The following SMPD3 variants were observed in gnomAD, a reference collection of about 807,000 sequenced individuals.
SMPD3 encodes the protein sphingomyelin phosphodiesterase 3.
Under a neutral mutation model 55.7 loss-of-function variants are expected in SMPD3, and 21 were observed. That is an observed-to-expected ratio of 0.38 (90% CI 0.27 to 0.54). The LOEUF is 0.54. Ranked by LOEUF, SMPD3 falls within the 20% of genes least tolerant of loss-of-function variation. The probability of loss-of-function intolerance (pLI) is 0.80; values close to 1 mark genes in which losing one functional copy is unlikely to be tolerated. For missense variants in SMPD3, 842 were observed against 899.6 expected, an observed-to-expected ratio of 0.94 and a Z score of 0.82; for synonymous variants, 457 against 404.3, an observed-to-expected ratio of 1.13 and a Z score of -1.56.
In SMPD3 at chr16:68,419,794, T is replaced by C. The variant is rs55958631; in HGVS notation, c.-269+28559A>G. On this transcript the variant is annotated intron_variant, in intron 1 of 8. Coordinates refer to ENST00000219334, the MANE Select transcript of SMPD3 (RefSeq NM_018667.4). ...ACTCCTAAAATGAGTATAATGACAC[T>C]AATGATAAAGGCAGCATCAGAGAGT... 1.1e-3 allele frequency among the ~76,000 whole-genome samples: 162 copies of C among 152,238 alleles called. 1 individual carries two copies. The highest frequency in any genetic ancestry group is 3.8e-3 in the African/African-American group (157 of 41,546).
chr16:68,390,399 CGCCTGTAATCCCA>C (rs1567797270), intron 1 of SMPD3, among the ~76,000 whole-genome samples: 2 of 152,162 alleles, frequency 1.3e-5, no homozygotes, highest in East Asian at 3.8e-4. Flanking sequence ...TGGTGGCTGA[CGCCTGTAATCCCA>C]GCACTTTGGA....
chr16:68,387,849 GCCCCGTCCATTCTCTGT>G (rs2090073459), intron 1 of SMPD3, among the ~76,000 whole-genome samples: 1 of 152,158 alleles, frequency 6.6e-6, no homozygotes, highest in Non-Finnish European at 1.5e-5. Flanking sequence ...GAAAGCCAAG[GCCCCGTCCATTCTCTGT>G]CCCCTAACTG....
chr16:68,446,442 C>A (rs1174856189), intron 1 of SMPD3, among the ~76,000 whole-genome samples: 1 of 151,666 alleles, frequency 6.6e-6, no homozygotes, highest in African/African-American at 2.4e-5. Context: ...TCCCCACCCC[C>A]ACAACATCCA....
chr16:68,366,136 C>T, intron 3 of SMPD3, among the ~76,000 whole-genome samples: 1 of 152,248 alleles, frequency 6.6e-6, no homozygotes, highest in South Asian at 2.1e-4. Context: ...GGGCAGGACA[C>T]ACTGCCTCTC....
intron 1 of SMPD3, among the ~76,000 whole-genome samples, chr16:68,425,185 C>T (rs1300491813): frequency 6.6e-6 from 1 of 152,176 alleles, no homozygotes; most frequent in African/African-American, 2.4e-5. Flanking sequence ...CTTACAAGGG[C>T]CAGAATTAGA....
chr16:68,379,451 G>C (rs190489003), intron 2 of SMPD3, among the ~76,000 whole-genome samples: 1 of 152,340 alleles, frequency 6.6e-6, no homozygotes, highest in East Asian at 1.9e-4. Context: ...TCTCTAGGAC[G>C]CTTATTTTTA....
chr16:68,425,809 T>C (rs943669040), intron 1 of SMPD3, among the ~76,000 whole-genome samples: 5 of 152,100 alleles, frequency 3.3e-5, no homozygotes, highest in Non-Finnish European at 7.4e-5. Flanking sequence ...CACTCCCTGC[T>C]GAAAGAGAGG....
chr16:68,421,107 T>G (rs1353060399), intron 1 of SMPD3, among the ~76,000 whole-genome samples: 2 of 152,184 alleles, frequency 1.3e-5, no homozygotes, highest in Non-Finnish European at 2.9e-5. Flanking sequence ...TTCTACCTGA[T>G]GCTCATTCAC....
chr16:68,412,574 T>A (rs2090310445), intron 1 of SMPD3, among the ~76,000 whole-genome samples: 1 of 152,196 alleles, frequency 6.6e-6, no homozygotes, highest in Non-Finnish European at 1.5e-5. Context: ...CCTACCTGCT[T>A]CATTTAACAC....
At chr16:68,402,243 G>C (rs1295053796) in intron 1 of SMPD3, among the ~76,000 whole-genome samples, 1 of 152,144 alleles carries the variant, frequency 6.6e-6, no homozygotes, top group African/African-American at 2.4e-5. Flanking sequence ...CCTCACCTCT[G>C]CAGGCCTCCA....
At position 68,366,417 on chromosome 16, in the gene SMPD3, G is replaced by A. The variant is rs566125994; in HGVS notation, c.1324-1325C>T. 4.1e-3 allele frequency among the ~76,000 whole-genome samples: 626 copies of A among 152,328 alleles called. 6 individuals carry two copies. Among genetic ancestry groups the A allele is most frequent in the African/African-American group, 0.015 (612 of 41,586 alleles). On this transcript the variant is annotated intron_variant, in intron 3 of 8. Coordinates refer to ENST00000219334, the MANE Select transcript of SMPD3 (RefSeq NM_018667.4). The stretch of plus-strand genomic sequence containing the variant: ...CACCTGGGGGTACGAACGTCTGGCT[G>A]TTCAGCCCCACAGGTTCACCATTCA...
In SMPD3 at chr16:68,371,718, C is replaced by T. The variant is rs376672576; in HGVS notation, c.464G>A (p.Gly155Glu). The T allele has an allele frequency of 6.3e-7, 1 of 1,592,502 alleles. No homozygotes were observed. Among genetic ancestry groups the T allele is most frequent in the African/African-American group, 1.3e-5 (1 of 74,208 alleles). The change falls in exon 3 of 9, where the codon GGG (glycine) becomes GAG (glutamate). Residue 155 changes from glycine to glutamate, a missense_variant. Gly to Glu is a moderately conservative substitution (Grantham distance 98). Transcript: ENST00000219334. ...FNTQARAKEI[G>E]QRIRNGAARP... is the part of the protein sequence containing the mutation. ...GGCGGCCCCATTGCGGATTCTCTGC[C>T]CGATCTCCTTGGCCCGCGCTTGGGT...
At chr16:68,383,893 C>T (rs1106583) in intron 2 of SMPD3, among the ~76,000 whole-genome samples, 10,772 of 152,240 alleles carry the variant, frequency 0.071, 569 homozygotes, top group African/African-American at 0.14. Flanking sequence ...GCCCCCTAGT[C>T]CCCTGGATCC....
At chr16:68,411,906 G>C (rs1669850183) in intron 1 of SMPD3, among the ~76,000 whole-genome samples, 1 of 152,116 alleles carries the variant, frequency 6.6e-6, no homozygotes, top group South Asian at 2.1e-4. Context: ...AGAAATCCAG[G>C]AGTCTGGATC....
intron 1 of SMPD3, among the ~76,000 whole-genome samples, chr16:68,396,079 T>C (rs904249140): frequency 1.3e-5 from 2 of 152,250 alleles, no homozygotes; most frequent in Admixed American, 1.3e-4. Flanking sequence ...AAGTGTCCTG[T>C]CCAGAGTCAA....
intron 5 of SMPD3, chr16:68,364,419 T>G: frequency 3.5e-6 from 1 of 286,950 alleles, no homozygotes; most frequent in Middle Eastern, 1.0e-3. Context: ...GAAACAGCGA[T>G]AGAATGGCAG....
At chr16:68,427,639 G>A (rs1400105401) in intron 1 of SMPD3, among the ~76,000 whole-genome samples, 3 of 151,918 alleles carry the variant, frequency 2.0e-5, no homozygotes, top group East Asian at 1.9e-4. Flanking sequence ...CTCCCATACC[G>A]GACAGCACAA....
rs1301471119 is a variant in SMPD3, at chr16:68,365,175, C to T, written c.1324-83G>A. On this transcript the variant is annotated intron_variant, in intron 3 of 8. Transcript: ENST00000219334. Reference sequence around the variant, plus strand: ...AGGACACTGGCAGTGCCCACCCACCCATGAGGTCAGACCCTCACAAGCCTG... The same window carrying T: ...AGGACACTGGCAGTGCCCACCCACCTATGAGGTCAGACCCTCACAAGCCTG... 4 of 1,410,186 alleles carry T rather than the reference C, an allele frequency of 2.8e-6. No homozygotes were observed. In the South Asian group the frequency reaches 3.6e-5, roughly 13 times the overall value. 87.4% of individuals were successfully genotyped at this position (1,410,186 alleles called of 1,614,324 possible).
At chr16:68,439,165 AGCACTTGCCCAAG>A (rs1302045441) in intron 1 of SMPD3, among the ~76,000 whole-genome samples, 1 of 152,204 alleles carries the variant, frequency 6.6e-6, no homozygotes, top group Admixed American at 6.5e-5. Flanking sequence ...GAAAGGTTAA[AGCACTTGCCCAAG>A]GCCACACATT....
Sources: gnomAD v4.1 joint callset for allele counts (sites outside exome capture counted in the v4.1 genomes callset) on GRCh38, gnomAD v4.1.1 for gene constraint, MANE v1.5 for transcripts, NCBI Gene and HGNC (gene_info 2026-07-23, HGNC 2026-07-21) for gene names.